The following CUBN variants were observed in gnomAD, a reference collection of about 807,000 sequenced individuals.
CUBN encodes the protein 460 kDa receptor.
A neutral mutation model predicts 405.3 loss-of-function variants in CUBN; 282 were observed. The observed-to-expected ratio is 0.70, with a 90% CI of 0.63 to 0.77. The LOEUF (loss-of-function observed/expected upper bound fraction) is 0.77. Among genes scored for constraint, CUBN ranks in the 30% least tolerant of loss-of-function variants. The pLI is 0.00. For synonymous variants in CUBN, 1,684 were observed against 1,617.0 expected, an observed-to-expected ratio of 1.04 and a Z score of -0.99; for missense variants, 4,514 against 4,475.2, an observed-to-expected ratio of 1.01 and a Z score of -0.25.
intron 27 of CUBN, among the ~76,000 whole-genome samples, chr10:17,036,148 G>A (rs1588600995): frequency 2.0e-5 from 3 of 152,048 alleles, no homozygotes; most frequent in Admixed American, 6.6e-5. Context: ...AATGAGTATC[G>A]TCCATAGGCA....
intron 11 of CUBN, among the ~76,000 whole-genome samples, chr10:17,105,218 T>C (rs893015518): frequency 1.3e-5 from 2 of 152,220 alleles, no homozygotes; most frequent in Non-Finnish European, 2.9e-5. Flanking sequence ...CAGATTTATT[T>C]AGATCAAACT....
At chr10:16,963,931 A>G (rs1843315069) in intron 31 of CUBN, among the ~76,000 whole-genome samples, 1 of 152,250 alleles carries the variant, frequency 6.6e-6, no homozygotes, top group South Asian at 2.1e-4. Flanking sequence ...ACAAACCAGA[A>G]ATCTCATTAG....
At chr10:17,025,628 C>G (rs1194058506) in intron 27 of CUBN, among the ~76,000 whole-genome samples, 1 of 152,102 alleles carries the variant, frequency 6.6e-6, no homozygotes, top group African/African-American at 2.4e-5. Context: ...TCCAGAGAAA[C>G]CACCCAAAAT....
chr10:17,067,909 CACA>C (rs1835648201), intron 21 of CUBN, among the ~76,000 whole-genome samples, 152 bp downstream of exon 21: 1 of 151,722 alleles, frequency 6.6e-6, no homozygotes, highest in East Asian at 1.9e-4. Context: ...CCTACAAGGC[CACA>C]ACTACAGAGT....
Position 16,925,236 on chromosome 10 carries a change from C to A in CUBN, c.6646+5G>T, listed in dbSNP as rs745338228. 6.2e-7 allele frequency: 1 copy of A among 1,607,422 alleles called. No homozygotes were observed. Among genetic ancestry groups the A allele is most frequent in the Admixed American group, 1.7e-5 (1 of 59,966 alleles). ...GCAGATATAATTCTCAGTGAAAATA[C>A]TTACCTAAACTCTTTGCCTCATATT... On this transcript the variant is annotated splice_donor_5th_base_variant and intron_variant, in intron 43 of 66. Coordinates refer to ENST00000377833, the MANE Select transcript of CUBN (RefSeq NM_001081.4).
chr10:17,021,065 C>A (rs1834486309), intron 27 of CUBN, among the ~76,000 whole-genome samples: 1 of 151,970 alleles, frequency 6.6e-6, no homozygotes, highest in Non-Finnish European at 1.5e-5. Flanking sequence ...TGAAAAACTG[C>A]CTTTTTGTAA....
chr10:16,830,754 A>G (rs146458687), intron 65 of CUBN, among the ~76,000 whole-genome samples: 2 of 152,334 alleles, frequency 1.3e-5, no homozygotes, highest in African/African-American at 2.4e-5. Flanking sequence ...TGTTTCATAT[A>G]TGAATATATA....
chr10:16,916,927 C>T (rs571443385), intron 45 of CUBN, among the ~76,000 whole-genome samples: 3 of 151,604 alleles, frequency 2.0e-5, no homozygotes, highest in Non-Finnish European at 4.4e-5. Context: ...CAATTCTCTG[C>T]CTCAGCCTCC....
At chr10:16,894,629 G>C (rs1841127236) in intron 54 of CUBN, among the ~76,000 whole-genome samples, 1 of 152,278 alleles carries the variant, frequency 6.6e-6, no homozygotes, top group Non-Finnish European at 1.5e-5. Flanking sequence ...TAGTAAGGTA[G>C]AATTCTTCCT....
rs547643482 is a variant in CUBN, at chr10:17,007,119, T to A, written c.4168+12714A>T. On this transcript the variant is annotated intron_variant, in intron 28 of 66. Coordinates refer to ENST00000377833, the MANE Select transcript of CUBN (RefSeq NM_001081.4). The stretch of plus-strand genomic sequence containing the variant: ...GAAGAGGCGAGGGGGTCTGTGCAGC[T>A]GGTTGGGAGGCCACTTTTCACACAG... 2.8e-3 allele frequency among the ~76,000 whole-genome samples: 430 copies of A among 152,316 alleles called. 3 individuals are homozygous for A. The highest frequency in any genetic ancestry group is 9.7e-3 in the African/African-American group (405 of 41,568).
rs572076647 is a variant in CUBN at position 16,899,323 on chromosome 10, C to A, written c.8411-140G>T. ...CAAGTGATCATCTTCCAGTCAGGTG[C>A]ACAGCAAGCTCTCTCCATAAATGGA... On this transcript the variant is annotated intron_variant, in intron 53 of 66. Transcript: ENST00000377833. The A allele has an allele frequency of 2.5e-4, 181 of 722,548 alleles. No homozygotes were observed. The South Asian group carries it at 2.7e-3, about 11-fold the overall frequency. The allele number at this position is 722,548 out of a possible 1,614,324, so 44.8% of individuals were successfully genotyped here.
At chr10:16,931,727 T>G (rs2131592552) in intron 40 of CUBN, among the ~76,000 whole-genome samples, 1 of 152,302 alleles carries the variant, frequency 6.6e-6, no homozygotes, top group Admixed American at 6.5e-5. Context: ...GTAGAACGGG[T>G]TTGGAGCCAC....
rs772487756 is a variant in CUBN, at chr10:16,877,002, C to T, written c.9001G>A (p.Asp3001Asn). ...ATGGTGAGGGGAGCTGGCATCTCAT[C>T]CCCACACACAGTAGCAAATGGGGTG... is the stretch of plus-strand genomic sequence containing the variant. ...MSTPFATVCG[D>N]EMPAPLTIAG... Residue 3001 changes from aspartate to asparagine, a missense_variant, in exon 57 of 67, where the codon GAT (aspartate) becomes AAT (asparagine). Asp to Asn is a conservative substitution (Grantham distance 23). Coordinates refer to ENST00000377833, the MANE Select transcript of CUBN (RefSeq NM_001081.4). The T allele has an allele frequency of 9.9e-6, 16 of 1,613,968 alleles. No homozygotes were observed. Among genetic ancestry groups the T allele is most frequent in the Middle Eastern group, 1.6e-4 (1 of 6,084 alleles).
chr10:16,948,238 G>A (rs542022678), intron 35 of CUBN, among the ~76,000 whole-genome samples: 1 of 152,136 alleles, frequency 6.6e-6, no homozygotes, highest in Non-Finnish European at 1.5e-5. Flanking sequence ...CAAGTCATCT[G>A]ATAGCATGGC....
chr10:16,848,690 C>CTTTTTTTTT lies in CUBN; in HGVS notation c.9663+2536_9663+2544dup, dbSNP rs10562297. On this transcript the variant is annotated intron_variant, in intron 60 of 66. Coordinates refer to ENST00000377833, the MANE Select transcript of CUBN (RefSeq NM_001081.4). ...TCTAGTCATTTTGGTCTCTCCCAGC[C>CTTTTTTTTT]TTTTTTTTTTTTTTTTTTTTTTTTT... Among the ~76,000 whole-genome samples the CTTTTTTTTT allele has an allele frequency of 5.2e-4, 28 of 53,366 alleles. 10 individuals carry two copies. Among genetic ancestry groups the CTTTTTTTTT allele is most frequent in the South Asian group, 1.4e-3 (1 of 694 alleles). The allele number at this position is 53,366 out of a possible 152,430, so 35.0% of individuals were successfully genotyped here.
chr10:16,886,595 C>T (rs1371717057), intron 56 of CUBN, among the ~76,000 whole-genome samples: 4 of 152,096 alleles, frequency 2.6e-5, no homozygotes, highest in African/African-American at 9.7e-5. Flanking sequence ...TCAGTCAAAG[C>T]CCAGCCCAAA....
chr10:16,889,470 T>A (rs1292234498), intron 55 of CUBN, among the ~76,000 whole-genome samples: 1 of 152,214 alleles, frequency 6.6e-6, no homozygotes, highest in Non-Finnish European at 1.5e-5. Flanking sequence ...TGAAAAATGC[T>A]ACATTTCCCA....
In CUBN at chr10:16,851,530, T is replaced by G. The variant is rs1040177745; in HGVS notation, c.9455-87A>C. 6.6e-6 allele frequency: 8 copies of G among 1,212,656 alleles called. No homozygotes were observed. The African/African-American group carries it at 7.5e-5, about 11-fold the overall frequency. The allele number at this position is 1,212,656 out of a possible 1,614,324, so 75.1% of individuals were successfully genotyped here. On this transcript the variant is annotated intron_variant, in intron 59 of 66. Transcript: ENST00000377833. ...GAGGGTTTTTAAAAAGAACATAGTT[T>G]CCATTTTCTGTCACACTCTGAGAAC...
intron 31 of CUBN, among the ~76,000 whole-genome samples, chr10:16,979,361 A>C (rs2932900): frequency 0.87 from 132,192 of 152,092 alleles, 58,261 homozygotes; most frequent in Non-Finnish European, 0.96. Context: ...CATGTGGAAC[A>C]AAAAAAGAGC....
Sources: gnomAD v4.1 joint callset for allele counts (sites outside exome capture counted in the v4.1 genomes callset) on GRCh38, gnomAD v4.1.1 for gene constraint, MANE v1.5 for transcripts, NCBI Gene and HGNC (gene_info 2026-07-23, HGNC 2026-07-21) for gene names.